The following RIPPLY1 variants were observed in gnomAD, a reference collection of about 807,000 sequenced individuals.
The protein encoded by RIPPLY1 is ripply transcriptional repressor 1.
A neutral mutation model predicts 8.7 loss-of-function variants in RIPPLY1; 10 were observed. That is an observed-to-expected ratio of 1.15 (90% CI 0.71 to 1.94). RIPPLY1 has a LOEUF of 1.94. Among genes scored for constraint, RIPPLY1 ranks in the 30% most tolerant of loss-of-function variants. The pLI, the probability that RIPPLY1 is intolerant of heterozygous loss-of-function variation, is 0.00. For missense variants in RIPPLY1, 118 were observed against 108.7 expected (o/e 1.09, Z -0.38); for synonymous variants, 54 against 44.8 (o/e 1.20, Z -0.82).
chrX:106,900,961 G>A, intron 3 of RIPPLY1, 53 bp from the exon 4 acceptor site: 1 of 1,152,590 alleles, frequency 8.7e-7, no homozygotes, highest in Middle Eastern at 2.5e-4. Context: ...GTGCAGAGGG[G>A]CCAGTAGGGC....
In RIPPLY1 at chrX:106,903,258, G is replaced by A. The variant is rs1457778103; in HGVS notation, c.30C>T (p.Ala10=). 10 of 1,206,916 alleles carry A rather than the reference G, an allele frequency of 8.3e-6. No individual in the cohort carries two copies. In the East Asian group the frequency reaches 3.0e-4, roughly 36 times the overall value. MDSAACAAA[A]TPVPALALAL... is the part of the protein sequence containing the mutation. ...CCAAAGCCAGGGCTGGAACAGGGGTGGCAGCAGCAGCACAGGCAGCAGAGT... is the reference window on the plus strand; with the variant it reads ...CCAAAGCCAGGGCTGGAACAGGGGTAGCAGCAGCAGCACAGGCAGCAGAGT... Residue 10 remains alanine, a synonymous_variant, in exon 1 of 4, where the codon GCC becomes GCT. Transcript: ENST00000276173.
chrX:106,902,280 C>G, intron 1 of RIPPLY1, 65 bp from the exon 2 acceptor site: 1 of 947,737 alleles, frequency 1.1e-6, no homozygotes, highest in Non-Finnish European at 1.5e-6. Flanking sequence ...CCTGAGATAA[C>G]AAGAGACCTC....
Position 106,900,324 on chromosome X carries a change from C to T in RIPPLY1, c.*425G>A, listed in dbSNP as rs1569284378. On this transcript the variant is annotated 3_prime_UTR_variant, in exon 4 of 4. Coordinates refer to ENST00000276173, the MANE Select transcript of RIPPLY1 (RefSeq NM_138382.3). ...GGGACTACATGGCCACCTGGGAAGG[C>T]TAGGGAGTCAAAGGGCCTGAGGAAT... 1 of 115,081 alleles carries T rather than the reference C, an allele frequency of 8.7e-6. No individual in the cohort carries two copies. The highest frequency in any genetic ancestry group is 1.8e-5 in the Non-Finnish European group (1 of 55,710). 9.5% of individuals were successfully genotyped at this position (115,081 alleles called of 1,213,427 possible). A position where few individuals can be genotyped will look rare whatever the true frequency, so the allele number is the denominator to read the frequency against.
At chrX:106,902,506 G>A (rs988166528) in intron 1 of RIPPLY1, among the ~76,000 whole-genome samples, 2 of 112,154 alleles carry the variant, frequency 1.8e-5, no homozygotes, top group Non-Finnish European at 3.8e-5. Flanking sequence ...ACAATGTCTG[G>A]TACACAGTAG....
rs1461767682 is a variant in RIPPLY1, at chrX:106,900,905, G to T, written c.300C>A (p.Leu100=). 1 of 1,208,260 alleles carries T rather than the reference G, an allele frequency of 8.3e-7. No homozygotes were observed. Among genetic ancestry groups the T allele is most frequent in the Non-Finnish European group, 1.1e-6 (1 of 894,324 alleles). Residue 100 remains leucine (L), a synonymous_variant, in exon 4 of 4, where the codon CTC becomes CTA. Transcript: ENST00000276173. ...CGAAGGAGCGGGATTTAGGCCAGAA[G>T]AGCCTGTGGACAGAGAAGAAACATG... The part of the protein sequence containing the change: ...AESKFHHPVR[L]FWPKSRSFDY...
intron 1 of RIPPLY1, 82 bp downstream of exon 1, chrX:106,903,051 G>T (rs1933128291): frequency 6.6e-6 from 7 of 1,057,862 alleles, no homozygotes; most frequent in South Asian, 2.0e-5. Flanking sequence ...AGAACAGGGT[G>T]CCCTGGACAT....
Position 106,903,192 on chromosome X carries a change from A to G in RIPPLY1, c.96T>C (p.Pro32=), listed in dbSNP as rs1346708430. ...GAAGGCAAGATGGGCTTAACAGGCCAGGGAGTGCCAGTGGGGCTTGTGCTA... is the reference window on the plus strand; with the variant it reads ...GAAGGCAAGATGGGCTTAACAGGCCGGGGAGTGCCAGTGGGGCTTGTGCTA... ...PDLAQAPLAL[P]GLLSPSCLLS... The change falls in exon 1 of 4, where the codon CCT becomes CCC. Residue 32 remains proline, a synonymous_variant. Coordinates refer to ENST00000276173, the MANE Select transcript of RIPPLY1 (RefSeq NM_138382.3). The G allele has an allele frequency of 4.1e-6, 5 of 1,209,750 alleles. No individual in the cohort carries two copies. Among genetic ancestry groups the G allele is most frequent in the Admixed American group, 2.2e-5 (1 of 45,837 alleles).
At chrX:106,901,760 TCTGTTCCAGCAC>T (rs1450201801) in intron 2 of RIPPLY1, among the ~76,000 whole-genome samples, 1 of 111,513 alleles carries the variant, frequency 9.0e-6, no homozygotes. Context: ...CTTCCCTGCC[TCTGTTCCAGCAC>T]CTGTTTGGAG....
chrX:106,901,923 T>C (rs1933105618), intron 2 of RIPPLY1, among the ~76,000 whole-genome samples: 1 of 111,896 alleles, frequency 8.9e-6, no homozygotes, highest in Non-Finnish European at 1.9e-5. Flanking sequence ...CCTGCCCAGA[T>C]CCCTTGCCCA....
chrX:106,902,119 G>A (rs1391480838), intron 2 of RIPPLY1, 21 bp downstream of exon 2: 8 of 1,174,268 alleles, frequency 6.8e-6, no homozygotes, highest in Admixed American at 4.7e-5. Context: ...GTGAACACAC[G>A]TCACAAGGGC....
In RIPPLY1 at chrX:106,902,225, A is replaced by T; in HGVS notation, c.156-10T>A. ...CCAGAGACAAGTTCCTCTGGGACAAAGAGGAGAGATCAATCCGTAGAGGAA... is the reference window on the plus strand; with the variant it reads ...CCAGAGACAAGTTCCTCTGGGACAATGAGGAGAGATCAATCCGTAGAGGAA... On this transcript the variant is annotated splice_polypyrimidine_tract_variant and intron_variant, in intron 1 of 3. Coordinates refer to ENST00000276173, the MANE Select transcript of RIPPLY1 (RefSeq NM_138382.3). 1 of 1,157,378 alleles carries T rather than the reference A, an allele frequency of 8.6e-7. No individual in the cohort carries two copies. The highest frequency in any genetic ancestry group is 1.2e-6 in the Non-Finnish European group (1 of 859,999).
chrX:106,900,619 G>T lies in RIPPLY1; in HGVS notation c.*130C>A. On this transcript the variant is annotated 3_prime_UTR_variant, in exon 4 of 4. Transcript: ENST00000276173. ...TCTGTGAAAACTTGCCAGACAAACT[G>T]AACCCCAATCAGACTCTGGCTGCCT... 6 of 1,039,335 alleles carry T rather than the reference G, an allele frequency of 5.8e-6. No homozygotes were observed. Among genetic ancestry groups the T allele is most frequent in the Non-Finnish European group, 7.5e-6 (6 of 797,521 alleles). 85.7% of individuals were successfully genotyped at this position (1,039,335 alleles called of 1,213,427 possible).
Position 106,903,336 on chromosome X carries a change from G to T in RIPPLY1, c.-49C>A. The T allele has an allele frequency of 3.5e-6, 4 of 1,128,386 alleles. No homozygotes were observed. Among genetic ancestry groups the T allele is most frequent in the Non-Finnish European group, 4.7e-6 (4 of 848,235 alleles). The allele number at this position is 1,128,386 out of a possible 1,213,427, so 93.0% of individuals were successfully genotyped here. On this transcript the variant is annotated 5_prime_UTR_variant, in exon 1 of 4. Transcript: ENST00000276173. ...GGTCTCCTACTTCCCAGAACCTTCT[G>T]CACTCTTTTGGCTTTTCCTGGGAGA... is the stretch of plus-strand genomic sequence containing the variant.
intron 1 of RIPPLY1, among the ~76,000 whole-genome samples, chrX:106,902,755 C>T (rs2147786147): frequency 8.9e-6 from 1 of 112,045 alleles, no homozygotes; most frequent in African/African-American, 3.2e-5. Flanking sequence ...AAGACAATGT[C>T]CCAGTCAAGG....
At chrX:106,901,369 T>A (rs991889706) in intron 3 of RIPPLY1, 105 bp downstream of exon 3, 9 of 802,995 alleles carry the variant, frequency 1.1e-5, no homozygotes, top group South Asian at 2.4e-5. Context: ...GAAACAGCGA[T>A]CATAGATAGC....
At chrX:106,901,591 C>T in intron 2 of RIPPLY1, 53 bp from the exon 3 acceptor site, 1 of 1,132,519 alleles carries the variant, frequency 8.8e-7, no homozygotes, top group East Asian at 3.0e-5. Flanking sequence ...TAGATAACTT[C>T]CTCCTCTGTA....
rs1159930911 is a variant in RIPPLY1 at position 106,900,604 on chromosome X, C to T, written c.*145G>A. ...TCCGGCTAACTGATGTCTGTGAAAA[C>T]TTGCCAGACAAACTGAACCCCAATC... On this transcript the variant is annotated 3_prime_UTR_variant, in exon 4 of 4. Transcript: ENST00000276173. 6 of 1,006,132 alleles carry T rather than the reference C, an allele frequency of 6.0e-6. No individual in the cohort carries two copies. The highest frequency in any genetic ancestry group is 3.9e-5 in the Admixed American group (1 of 25,627). The allele number at this position is 1,006,132 out of a possible 1,213,427, so 82.9% of individuals were successfully genotyped here.
chrX:106,901,750 C>T (rs1293813020), intron 2 of RIPPLY1, among the ~76,000 whole-genome samples: 1 of 111,635 alleles, frequency 9.0e-6, no homozygotes, highest in African/African-American at 3.3e-5. Context: ...GGGTTGTTTG[C>T]TTCCCTGCCT....
intron 1 of RIPPLY1, 56 bp downstream of exon 1, chrX:106,903,077 C>G (rs1933128680): frequency 1.7e-6 from 2 of 1,181,736 alleles, no homozygotes; most frequent in Non-Finnish European, 1.1e-6. Flanking sequence ...TTTCCTTCCT[C>G]TCTCAGGAAG....
Sources: gnomAD v4.1 joint callset for allele counts (sites outside exome capture counted in the v4.1 genomes callset) on GRCh38, gnomAD v4.1.1 for gene constraint, MANE v1.5 for transcripts, NCBI Gene and HGNC (gene_info 2026-07-23, HGNC 2026-07-21) for gene names.